The following EXOC4 variants were observed in gnomAD, a reference collection of about 807,000 sequenced individuals.
The protein encoded by EXOC4 is exocyst complex component 4, also known as SEC8-like 1.
Under a neutral mutation model 107.2 loss-of-function variants are expected in EXOC4, and 71 were observed. The observed-to-expected ratio is 0.66, with a 90% CI of 0.55 to 0.81. EXOC4 has a LOEUF of 0.81. EXOC4 is among the 30% of genes least tolerant of loss of function. EXOC4 has a pLI of 0.00. For missense variants in EXOC4, 1,108 were observed against 1,189.6 expected (o/e 0.93, Z 1.01); for synonymous variants, 456 against 441.2 (o/e 1.03, Z -0.42).
rs183379166 is a variant in EXOC4, at chr7:133,427,254, C to T, written c.1183-48074C>T. Among the ~76,000 whole-genome samples the T allele has an allele frequency of 1.1e-3, 161 of 152,146 alleles. 1 individual carries two copies. The highest frequency in any genetic ancestry group is 3.4e-3 in the Middle Eastern group (1 of 294). On this transcript the variant is annotated intron_variant, in intron 7 of 17. Transcript: ENST00000253861. ...TTTGTATCCAACTTTATAGGCTGTG[C>T]TGCTCGACTCCCAGCCTTTCTCAGT...
intron 10 of EXOC4, among the ~76,000 whole-genome samples, chr7:133,817,091 T>C (rs1797390221): frequency 6.6e-6 from 1 of 152,228 alleles, no homozygotes; most frequent in African/African-American, 2.4e-5. Flanking sequence ...AATTTTTGTC[T>C]TCTCCTTTTC....
intron 10 of EXOC4, among the ~76,000 whole-genome samples, chr7:133,815,345 A>G (rs1327676037): frequency 6.6e-6 from 1 of 150,584 alleles, no homozygotes; most frequent in East Asian, 2.0e-4. Context: ...ACTGTACTCC[A>G]TCCTGGGTGA....
chr7:134,014,261 G>A (rs566396700), intron 17 of EXOC4, among the ~76,000 whole-genome samples: 61 of 152,168 alleles, frequency 4.0e-4, no homozygotes, highest in African/African-American at 1.2e-3. Context: ...AAAATTAGCC[G>A]GGCATGGTGG....
At chr7:133,412,924 C>G (rs1051453979) in intron 7 of EXOC4, among the ~76,000 whole-genome samples, 2 of 152,010 alleles carry the variant, frequency 1.3e-5, no homozygotes, top group Admixed American at 1.3e-4. Flanking sequence ...CTGTATCTTT[C>G]TTAGAGGTGC....
At chr7:133,463,459 A>C (rs1409364272) in intron 7 of EXOC4, among the ~76,000 whole-genome samples, 2 of 152,186 alleles carry the variant, frequency 1.3e-5, no homozygotes, top group Non-Finnish European at 2.9e-5. Context: ...AAGCAATGGC[A>C]GTGTATCTTT....
chr7:134,073,230 A>AAAAAAAAAAAAC, the EXOC4 span, among the ~76,000 whole-genome samples: 10 of 18,426 alleles, frequency 5.4e-4, no homozygotes, highest in Admixed American at 9.9e-4. Context: ...AAAAAAAAAA[A>AAAAAAAAAAAAC]AACAACAAAG....
At chr7:133,748,698 A>G (rs1342832210) in intron 10 of EXOC4, among the ~76,000 whole-genome samples, 1 of 152,196 alleles carries the variant, frequency 6.6e-6, no homozygotes, top group Non-Finnish European at 1.5e-5. Context: ...CATATAGAGC[A>G]CAGTCTTCCC....
intron 9 of EXOC4, among the ~76,000 whole-genome samples, chr7:133,599,805 C>T: frequency 6.6e-6 from 1 of 151,652 alleles, no homozygotes; most frequent in South Asian, 2.1e-4. Flanking sequence ...AAAGTACAAA[C>T]TCATGTCCAC....
chr7:133,385,459 G>A (rs1334590375), intron 7 of EXOC4, among the ~76,000 whole-genome samples: 1 of 152,098 alleles, frequency 6.6e-6, no homozygotes, highest in African/African-American at 2.4e-5. Flanking sequence ...CGTGATTACC[G>A]GATTCAGCAA....
At chr7:133,701,304 G>A (rs1794650833) in intron 10 of EXOC4, among the ~76,000 whole-genome samples, 1 of 152,166 alleles carries the variant, frequency 6.6e-6, no homozygotes, top group Non-Finnish European at 1.5e-5. Flanking sequence ...CTGAGTTGAA[G>A]CATAATATTG....
intron 10 of EXOC4, among the ~76,000 whole-genome samples, chr7:133,759,889 G>A (rs1795997968): frequency 6.6e-6 from 1 of 152,258 alleles, no homozygotes; most frequent in Admixed American, 6.5e-5. Context: ...TTCCAGTTTG[G>A]GCTAGAAGCA....
intron 10 of EXOC4, among the ~76,000 whole-genome samples, chr7:133,693,483 C>A (rs1794465349): frequency 6.6e-6 from 1 of 151,928 alleles, no homozygotes; most frequent in African/African-American, 2.4e-5. Context: ...TTGGCGACAC[C>A]TTCACAGACA....
At chr7:133,384,779 C>T (rs1796691022) in intron 7 of EXOC4, among the ~76,000 whole-genome samples, 1 of 133,438 alleles carries the variant, frequency 7.5e-6, no homozygotes. Flanking sequence ...ATGAGTATGT[C>T]TGAATCCTTG....
At chr7:133,868,209 C>T (rs1585210648) in intron 11 of EXOC4, among the ~76,000 whole-genome samples, 1 of 152,042 alleles carries the variant, frequency 6.6e-6, no homozygotes, top group Non-Finnish European at 1.5e-5. Flanking sequence ...TTTGGCTGGG[C>T]CATTTATTTG....
At chr7:133,690,391 C>T (rs1160631171) in intron 10 of EXOC4, among the ~76,000 whole-genome samples, 1 of 152,188 alleles carries the variant, frequency 6.6e-6, no homozygotes, top group Non-Finnish European at 1.5e-5. Flanking sequence ...ATGGCAGCAG[C>T]TAAAAATGTG....
chr7:133,997,316 C>T (rs1300257553), intron 14 of EXOC4, among the ~76,000 whole-genome samples, 176 bp from the exon 15 acceptor site: 2 of 152,200 alleles, frequency 1.3e-5, no homozygotes, highest in African/African-American at 4.8e-5. Flanking sequence ...TAAGCCACTG[C>T]ACTTCTATGT....
At chr7:133,278,122 A>G (rs970458493) in intron 2 of EXOC4, among the ~76,000 whole-genome samples, 1 of 152,222 alleles carries the variant, frequency 6.6e-6, no homozygotes, top group African/African-American at 2.4e-5. Flanking sequence ...CTAGGGCTGC[A>G]CAAATGGGAA....
At chr7:133,943,983 T>TA (rs1800492179) in intron 14 of EXOC4, among the ~76,000 whole-genome samples, 1 of 152,180 alleles carries the variant, frequency 6.6e-6, no homozygotes, top group Admixed American at 6.5e-5. Flanking sequence ...TGATTTATGA[T>TA]AAAAATTTTG....
downstream of EXOC4, among the ~76,000 whole-genome samples, chr7:134,068,658 C>T (rs888703548): frequency 6.6e-6 from 1 of 152,184 alleles, no homozygotes; most frequent in Non-Finnish European, 1.5e-5. Flanking sequence ...GTGGGATCCT[C>T]TTCCAGCAGT....
Sources: gnomAD v4.1 joint callset for allele counts (sites outside exome capture counted in the v4.1 genomes callset) on GRCh38, gnomAD v4.1.1 for gene constraint, MANE v1.5 for transcripts, NCBI Gene and HGNC (gene_info 2026-07-23, HGNC 2026-07-21) for gene names.